HBS1L: variants seen among roughly 807,000 people sequenced by gnomAD.
HBS1L encodes HBS1 like translational GTPase.
A neutral mutation model predicts 88.9 loss-of-function variants in HBS1L; 55 were observed. That is an observed-to-expected ratio of 0.62 (90% confidence interval 0.50 to 0.77). The LOEUF is 0.77. Among genes scored for constraint, HBS1L ranks in the 30% least tolerant of loss-of-function variants. The pLI, the probability that HBS1L is intolerant of heterozygous loss-of-function variation, is 0.00. For missense variants in HBS1L, 741 were observed against 829.3 expected, an observed-to-expected ratio of 0.89 and a Z score of 1.31; for synonymous variants, 267 against 288.5, an observed-to-expected ratio of 0.93 and a Z score of 0.76.
intron 16 of HBS1L, among the ~76,000 whole-genome samples, chr6:134,967,712 T>C: frequency 6.6e-6 from 1 of 152,196 alleles, no homozygotes; most frequent in East Asian, 1.9e-4. Context: ...TCAAACAACC[T>C]GGCTCCTGAA....
intron 4 of HBS1L, chr6:135,027,043 T>A (rs1776246714): frequency 6.6e-6 from 1 of 150,566 alleles, no homozygotes; most frequent in Non-Finnish European, 1.5e-5. Context: ...AATAAAAAAA[T>A]TAGCCAGATG....
chr6:135,002,821 G>A lies in HBS1L; in HGVS notation c.452C>T (p.Thr151Ile), dbSNP rs200327611. ...CACAATTTCAGATTCACTTCGCGAT[G>A]TCTGGGAATCTACTGGTTTTCCTAG... ...IAKGKPVDSQ[T>I]SRSESEIVPK... Residue 151 changes from threonine (T) to isoleucine (I), a missense_variant, in exon 5 of 18, where the codon ACA becomes ATA. Around this residue, in one of 3 missense-constraint regions of HBS1L, gnomAD observed 556 missense variants for 598.4 expected, o/e 0.93. Coordinates refer to ENST00000367837, the MANE Select transcript of HBS1L (RefSeq NM_006620.4). The A allele has an allele frequency of 4.7e-5, 75 of 1,612,342 alleles. No individual in the cohort carries two copies. In the African/African-American group the frequency reaches 7.7e-4, roughly 17 times the overall value.
At chr6:135,015,921 G>A (rs1401623475) in intron 4 of HBS1L, among the ~76,000 whole-genome samples, 2 of 126,728 alleles carry the variant, frequency 1.6e-5, no homozygotes, top group Admixed American at 9.2e-5. Context: ...GTCTTGTTCT[G>A]TTGCCCAGGC....
At chr6:134,999,301 G>A (rs1775379156) in intron 5 of HBS1L, among the ~76,000 whole-genome samples, 1 of 152,062 alleles carries the variant, frequency 6.6e-6, no homozygotes, top group Non-Finnish European at 1.5e-5. Context: ...ACCAATCCAG[G>A]CAGCCCTCAG....
At chr6:135,044,332 T>C (rs1001555369) in intron 2 of HBS1L, among the ~76,000 whole-genome samples, 1 of 152,234 alleles carries the variant, frequency 6.6e-6, no homozygotes, top group African/African-American at 2.4e-5. Context: ...TTAATTTTAG[T>C]ATATAATTCT....
chr6:135,047,670 G>A (rs186184804), intron 2 of HBS1L, among the ~76,000 whole-genome samples: 3 of 152,266 alleles, frequency 2.0e-5, no homozygotes, highest in South Asian at 2.1e-4. Context: ...GTCTCCTAAC[G>A]AGTCTACTTA....
intron 12 of HBS1L, chr6:134,983,526 AT>A (rs1281241574): frequency 6.6e-6 from 1 of 152,162 alleles, no homozygotes; most frequent in Non-Finnish European, 1.5e-5. Flanking sequence ...GACAAGATCC[AT>A]TTTAGGCTTG....
intron 5 of HBS1L, 93 bp from the exon 6 acceptor site, chr6:134,997,749 C>T (rs1346290875): frequency 4.3e-6 from 5 of 1,170,954 alleles, no homozygotes; most frequent in African/African-American, 3.0e-5. Context: ...CTTCATAATC[C>T]TTTATGCTCC....
intron 1 of HBS1L, among the ~76,000 whole-genome samples, chr6:135,052,366 G>A (rs1777112310): frequency 6.6e-6 from 1 of 152,106 alleles, no homozygotes; most frequent in Non-Finnish European, 1.5e-5. Context: ...GGAAGCCGAG[G>A]AGGGAGGATC....
Position 134,997,387 on chromosome 6 carries a change from A to AG in HBS1L, c.799+9dup. 6.2e-7 allele frequency: 1 copy of AG among 1,613,792 alleles called. No individual in the cohort carries two copies. The highest frequency in any genetic ancestry group is 8.5e-7 in the Non-Finnish European group (1 of 1,179,776). On this transcript the variant is annotated intron_variant, in intron 6 of 17. Coordinates refer to ENST00000367837, the MANE Select transcript of HBS1L (RefSeq NM_006620.4). ...GCTGGCTGACGATCCAGAGGGACAAAGAGCATTACCAATGACCACTAAGTT... is the reference window on the plus strand; with the variant it reads ...GCTGGCTGACGATCCAGAGGGACAAAGGAGCATTACCAATGACCACTAAGTT...
chr6:134,982,770 A>G (rs1774869437), intron 12 of HBS1L: 1 of 351,034 alleles, frequency 2.8e-6, no homozygotes, highest in Non-Finnish European at 5.1e-6. Context: ...TCATATTACC[A>G]AAGAAAGGTT....
At chr6:135,054,452 CCA>C (rs1777184691) in intron 1 of HBS1L, among the ~76,000 whole-genome samples, 195 bp downstream of exon 1, 2 of 152,200 alleles carry the variant, frequency 1.3e-5, no homozygotes, top group African/African-American at 4.8e-5. Flanking sequence ...AAAATCAACC[CCA>C]GAGGGCAGAA....
rs548188467 is a variant in HBS1L at position 134,975,932 on chromosome 6, C to G, written c.1797+2747G>C. On this transcript the variant is annotated intron_variant, in intron 15 of 17. Coordinates refer to ENST00000367837, the MANE Select transcript of HBS1L (RefSeq NM_006620.4). ...GATAAGACCTAATTAAGCTAAAGAGCTAGTGCACAGCAAAGAAATCCTGAA... is the reference window on the plus strand; with the variant it reads ...GATAAGACCTAATTAAGCTAAAGAGGTAGTGCACAGCAAAGAAATCCTGAA... 1.4e-4 allele frequency among the ~76,000 whole-genome samples: 22 copies of G among 152,124 alleles called. No homozygotes were observed. In the South Asian group the frequency reaches 4.6e-3, roughly 32 times the overall value.
intron 12 of HBS1L, chr6:134,983,412 G>A (rs1330740016): frequency 6.6e-6 from 1 of 152,080 alleles, no homozygotes; most frequent in Non-Finnish European, 1.5e-5. Flanking sequence ...AAGAATTCGG[G>A]AATAAGGAAT....
At chr6:134,970,589 A>G (rs765731085) in intron 15 of HBS1L, among the ~76,000 whole-genome samples, 2 of 152,194 alleles carry the variant, frequency 1.3e-5, no homozygotes, top group Non-Finnish European at 2.9e-5. Context: ...TATTATTTCC[A>G]TGTTTTATAT....
chr6:135,038,106 A>G, intron 4 of HBS1L: 2 of 1,114,788 alleles, frequency 1.8e-6, no homozygotes, highest in Non-Finnish European at 2.4e-6. Flanking sequence ...AAAAGGAAAC[A>G]TGAAATGAGG....
At chr6:134,993,575 C>T (rs1343548552) in intron 8 of HBS1L, among the ~76,000 whole-genome samples, 183 bp downstream of exon 8, 1 of 152,006 alleles carries the variant, frequency 6.6e-6, no homozygotes, top group Non-Finnish European at 1.5e-5. Context: ...AAAGGTTTTA[C>T]AAAGTACAGG....
At chr6:135,022,311 T>C (rs957036807) in intron 4 of HBS1L, among the ~76,000 whole-genome samples, 1 of 146,150 alleles carries the variant, frequency 6.8e-6, no homozygotes, top group African/African-American at 2.6e-5. Flanking sequence ...GATTAGAATT[T>C]GTAAGGTCAA....
intron 7 of HBS1L, among the ~76,000 whole-genome samples, chr6:134,995,450 A>T (rs1775263612): frequency 6.6e-6 from 1 of 152,056 alleles, no homozygotes; most frequent in South Asian, 2.1e-4. Flanking sequence ...TAGCAGCAGC[A>T]AAACGCAGCA....
Sources: gnomAD v4.1 joint callset for allele counts (sites outside exome capture counted in the v4.1 genomes callset) on GRCh38, gnomAD v4.1.1 for gene constraint, gnomAD v4.1.1 regional missense constraint, MANE v1.5 for transcripts, NCBI Gene and HGNC (gene_info 2026-07-23, HGNC 2026-07-21) for gene names.